Variants in MMRN2 observed in about 807,000 individuals in gnomAD.
MMRN2 encodes the protein multimerin 2, also known as multimerin-2.
Under a neutral mutation model 68.8 loss-of-function variants are expected in MMRN2, and 53 were observed. The observed-to-expected ratio is 0.77, with a 90% CI of 0.62 to 0.97. The LOEUF (loss-of-function observed/expected upper bound fraction) is 0.97, where lower values mean the gene tolerates loss of function less well. MMRN2 is among the 50% of genes least tolerant of loss of function. MMRN2 has a pLI of 0.00. For synonymous variants in MMRN2, 564 were observed against 551.6 expected, an observed-to-expected ratio of 1.02 and a Z score of -0.32; for missense variants, 1,266 against 1,259.5, an observed-to-expected ratio of 1.01 and a Z score of -0.08.
chr10:86,949,322 G>A (rs1337909059), intron 1 of MMRN2: 1 of 152,158 alleles, frequency 6.6e-6, no homozygotes, highest in African/African-American at 2.4e-5. Flanking sequence ...AACAACCCAG[G>A]TTTCAGAACA....
chr10:86,943,931 C>T lies in MMRN2; in HGVS notation c.853G>A (p.Asp285Asn), dbSNP rs771764748. The T allele has an allele frequency of 2.7e-5, 44 of 1,614,156 alleles. No homozygotes were observed. The East Asian group carries it at 9.4e-4, about 34-fold the overall frequency. The change falls in exon 6 of 7, where the codon GAC (aspartate) becomes AAC (asparagine). Residue 285 changes from aspartate to asparagine, a missense_variant. Coordinates refer to ENST00000372027, the MANE Select transcript of MMRN2 (RefSeq NM_024756.3). The surrounding 1 kb of genome is among the most constrained non-coding windows in gnomAD (Gnocchi z 4.2). ...AATTTGGCACCAAGCTCCTGGAAGT[C>T]AGCCCTGGCCACGGCACTGTCCTGG... ...RVQDSAVARA[D>N]FQELGAKFEA...
rs1361989534 is a variant in MMRN2, at chr10:86,942,594, A to G, written c.2190T>C (p.Leu730=). The G allele has an allele frequency of 6.2e-6, 10 of 1,609,102 alleles. No individual in the cohort carries two copies. Among genetic ancestry groups the G allele is most frequent in the Non-Finnish European group, 7.6e-6 (9 of 1,179,758 alleles). The change falls in exon 6 of 7, where the codon CTT becomes CTC. Residue 730 remains leucine, a synonymous_variant. Transcript: ENST00000372027. Reference sequence around the variant, plus strand: ...CGAAGAGTGCGTTGTGGAGGCCGTGAAGGGAGGCGTTGAGGGAGGCGGCCC... The same window carrying G: ...CGAAGAGTGCGTTGTGGAGGCCGTGGAGGGAGGCGTTGAGGGAGGCGGCCC... ...GAGAASLNAS[L]HGLHNALFAT...
chr10:86,941,725 G>C (rs1226807508), intron 6 of MMRN2, among the ~76,000 whole-genome samples: 1 of 148,202 alleles, frequency 6.7e-6, no homozygotes, highest in Non-Finnish European at 1.5e-5. Context: ...GCTGAGCCTG[G>C]AGAGGTCTAG....
chr10:86,950,348 T>TAAA lies in MMRN2; in HGVS notation c.165-4660_165-4659insTTT, dbSNP rs1489751076. On this transcript the variant is annotated intron_variant, in intron 1 of 6. Transcript: ENST00000372027. ...GTGAGAGACTCCGTCTCAAAAATAA[T>TAAA]AATAATAATAAAAAGAAAGAAAAAT... Among the ~76,000 whole-genome samples the TAAA allele has an allele frequency of 5.3e-5, 8 of 151,714 alleles. No individual in the cohort carries two copies. In the South Asian group the frequency reaches 1.0e-3, roughly 20 times the overall value.
At chr10:86,947,980 C>G (rs1589304718) in intron 1 of MMRN2, among the ~76,000 whole-genome samples, 1 of 152,006 alleles carries the variant, frequency 6.6e-6, no homozygotes, top group Non-Finnish European at 1.5e-5. Flanking sequence ...ACGCCTGTAA[C>G]CCCAGCACTT....
At position 86,942,869 on chromosome 10, in the gene MMRN2, C is replaced by T. The variant is rs374420750; in HGVS notation, c.1915G>A (p.Val639Met). The T allele has an allele frequency of 2.7e-4, 381 of 1,423,286 alleles. No individual in the cohort carries two copies. Among genetic ancestry groups the T allele is most frequent in the Non-Finnish European group, 3.4e-4 (365 of 1,088,292 alleles). 88.2% of individuals were successfully genotyped at this position (1,423,286 alleles called of 1,614,324 possible). The change falls in exon 6 of 7, where the codon GTG becomes ATG. Residue 639 changes from valine (V) to methionine (M), a missense_variant. Physicochemically the swap from Val to Met is conservative, Grantham distance 21 (BLOSUM62 1). Transcript: ENST00000372027. ...CCGCTAGCGGCGTCCTGCAGGGCCA[C>T]GCGGATCTGCTCGTAGCTCAGGGGC... ...PLPLSYEQIR[V>M]ALQDAASGLQ...
chr10:86,943,676 G>T lies in MMRN2; in HGVS notation c.1108C>A (p.Gln370Lys), dbSNP rs765596426. Residue 370 changes from glutamine (Q) to lysine (K), a missense_variant, in exon 6 of 7, where the codon CAG (glutamine) becomes AAG (lysine). Gln to Lys is a moderately conservative substitution (Grantham distance 53). Coordinates refer to ENST00000372027, the MANE Select transcript of MMRN2 (RefSeq NM_024756.3). The surrounding 1 kb of genome is among the most constrained non-coding windows in gnomAD (Gnocchi z 4.2). Reference sequence around the variant, plus strand: ...CTCTGCAGCTGGCCCAGCCTGGCCTGCAGGCTGTCCGGCTCAGGCCTTGCC... The same window carrying T: ...CTCTGCAGCTGGCCCAGCCTGGCCTTCAGGCTGTCCGGCTCAGGCCTTGCC... ...AGARPEPDSL[Q>K]ARLGQLQRNL... 3 of 1,611,464 alleles carry T rather than the reference G, an allele frequency of 1.9e-6. No homozygotes were observed. In the Admixed American group the frequency reaches 5.0e-5, roughly 27 times the overall value.
In MMRN2 at chr10:86,944,099, G is replaced by A. The variant is rs141876478; in HGVS notation, c.685C>T (p.Leu229=). The A allele has an allele frequency of 2.5e-5, 40 of 1,614,014 alleles. No homozygotes were observed. The African/African-American group carries it at 4.8e-4, about 19-fold the overall frequency. ...EFPDRSLEQV[L]LPHVDTFLQV... ...AGGAAGGTGTCCACGTGGGGTAGCA[G>A]CACCTGCTCCAAGGATCTATCAGGG... Residue 229 remains leucine, a synonymous_variant, in exon 6 of 7, where the codon CTG becomes TTG. Transcript: ENST00000372027.
intron 1 of MMRN2, among the ~76,000 whole-genome samples, chr10:86,953,116 G>C (rs1042484340): frequency 6.6e-6 from 1 of 152,052 alleles, no homozygotes; most frequent in African/African-American, 2.4e-5. Context: ...CCCTAAAATC[G>C]CTGTTATTCT....
At chr10:86,955,792 T>G (rs1278882632) in intron 1 of MMRN2, among the ~76,000 whole-genome samples, 1 of 152,054 alleles carries the variant, frequency 6.6e-6, no homozygotes, top group African/African-American at 2.4e-5. Flanking sequence ...CTTCTGGATG[T>G]GGGAAGGAGA....
At chr10:86,952,729 G>T (rs187865149) in intron 1 of MMRN2, among the ~76,000 whole-genome samples, 6 of 152,322 alleles carry the variant, frequency 3.9e-5, no homozygotes, top group Admixed American at 3.3e-4. Context: ...ACGTTCAGTG[G>T]TTCCATGTAT....
chr10:86,952,020 C>A (rs758742298), intron 1 of MMRN2, among the ~76,000 whole-genome samples: 5 of 152,162 alleles, frequency 3.3e-5, no homozygotes, highest in Non-Finnish European at 5.9e-5. Context: ...TGCACTCGAG[C>A]CTGGGTCTGC....
At chr10:86,939,621 G>T (rs1366092718) in intron 6 of MMRN2, among the ~76,000 whole-genome samples, 2 of 152,072 alleles carry the variant, frequency 1.3e-5, no homozygotes, top group African/African-American at 4.8e-5. Context: ...CCCTCGTTCC[G>T]GCCGTTCCGT....
In MMRN2 at chr10:86,943,061, C is replaced by T; in HGVS notation, c.1723G>A (p.Val575Met). ...GCCGCGGCCGCCTTCAGCGCGCCCA[C>T]CTCGTCATCCAGCGCCTGCACTTGG... The part of the protein sequence containing the change: ...RSQVQALDDE[V>M]GALKAAAAEA... The change falls in exon 6 of 7, where the codon GTG (valine) becomes ATG (methionine). Residue 575 changes from valine to methionine, a missense_variant. By Grantham distance (21) the Val-to-Met change is conservative. Coordinates refer to ENST00000372027, the MANE Select transcript of MMRN2 (RefSeq NM_024756.3). This position sits in a 1 kb window ranked among gnomAD's most constrained non-coding sequence, Gnocchi z 4.2. The T allele has an allele frequency of 7.1e-7, 1 of 1,399,856 alleles. No homozygotes were observed. Among genetic ancestry groups the T allele is most frequent in the Non-Finnish European group, 9.2e-7 (1 of 1,084,500 alleles). 86.7% of individuals were successfully genotyped at this position (1,399,856 alleles called of 1,614,324 possible).
chr10:86,940,661 C>T (rs4933420), intron 6 of MMRN2, among the ~76,000 whole-genome samples: 81,341 of 152,158 alleles, frequency 0.53, 22,178 homozygotes, highest in East Asian at 0.78. Context: ...CCCACTGCTC[C>T]ACATTGCCTC....
intron 1 of MMRN2, among the ~76,000 whole-genome samples, chr10:86,946,202 C>T (rs993831494): frequency 6.6e-6 from 1 of 152,230 alleles, no homozygotes; most frequent in African/African-American, 2.4e-5. Context: ...ACTTAGGGAG[C>T]TTCTCTTTCC....
Position 86,942,669 on chromosome 10 carries a change from G to C in MMRN2, c.2115C>G (p.Ser705Arg). 6.3e-7 allele frequency: 1 copy of C among 1,593,220 alleles called. No homozygotes were observed. Among genetic ancestry groups the C allele is most frequent in the Admixed American group, 1.7e-5 (1 of 59,592 alleles). ...AGLARELQSL[S>R]NDVKNVGRCC... ...ACCGCCCGACATTCTTGACGTCGTT[G>C]CTCAGGCTCTGGAGCTCCCGCGCCA... Residue 705 changes from serine (S) to arginine (R), a missense_variant, in exon 6 of 7, where the codon AGC becomes AGG. Coordinates refer to ENST00000372027, the MANE Select transcript of MMRN2 (RefSeq NM_024756.3).
At position 86,942,424 on chromosome 10, in the gene MMRN2, T is replaced by G. The variant is rs1276056343; in HGVS notation, c.2360A>C (p.Asp787Ala). 35 of 1,614,142 alleles carry G rather than the reference T, an allele frequency of 2.2e-5. 1 individual carries two copies. Among genetic ancestry groups the G allele is most frequent in the Non-Finnish European group, 2.9e-5 (34 of 1,180,012 alleles). Residue 787 changes from aspartate to alanine, a missense_variant, in exon 6 of 7, where the codon GAC becomes GCC. By Grantham distance (126) the Asp-to-Ala change is moderately radical. Transcript: ENST00000372027. ...GTCCCTCTTCCGGGGAGCTTCCAGG[T>G]CTTTCTGCTGCTTCTTCCCTTTCCT... The part of the protein sequence containing the change: ...LSRKGKKQQK[D>A]LEAPRKRDKK...
intron 6 of MMRN2, among the ~76,000 whole-genome samples, chr10:86,937,386 T>A (rs1843896477): frequency 6.6e-6 from 1 of 152,128 alleles, no homozygotes; most frequent in South Asian, 2.1e-4. Flanking sequence ...TTCATTTTTT[T>A]TTTAGACAGG....
Sources: allele counts gnomAD v4.1 joint callset (sites outside exome capture counted in the v4.1 genomes callset), GRCh38; gene constraint gnomAD v4.1.1; non-coding constraint Gnocchi (gnomAD v3.1); transcripts MANE v1.5; gene names NCBI Gene and HGNC (gene_info 2026-07-23, HGNC 2026-07-21).